The following ZNF33A variants were observed in gnomAD, a reference collection of about 807,000 sequenced individuals.
ZNF33A encodes brain my041 protein.
Under a neutral mutation model 15.9 loss-of-function variants are expected in ZNF33A, and 9 were observed. The observed-to-expected ratio is 0.57, with a 90% confidence interval of 0.34 to 0.99. ZNF33A has a LOEUF of 0.99. ZNF33A is among the 50% of genes least tolerant of loss of function. The pLI is 0.02. For synonymous variants in ZNF33A, 294 were observed against 324.2 expected (o/e 0.91, Z 1.00); for missense variants, 843 against 941.6 (o/e 0.90, Z 1.37).
intron 4 of ZNF33A, 31 bp downstream of exon 4, chr10:38,017,417 T>A: frequency 6.5e-7 from 1 of 1,534,678 alleles, no homozygotes; most frequent in African/African-American, 1.4e-5. Flanking sequence ...CAGATTCACA[T>A]CAGGGGATTT....
chr10:38,046,677 A>G (rs1228092859), intron 4 of ZNF33A, among the ~76,000 whole-genome samples: 1 of 152,246 alleles, frequency 6.6e-6, no homozygotes, highest in African/African-American at 2.4e-5. Flanking sequence ...AAAGAGACTA[A>G]CCAGGAAATT....
In ZNF33A at chr10:38,013,434, TA is replaced by T. The variant is rs1195751655; in HGVS notation, c.9+1085del. ...GGTAAATTAAAATGTATTTTATTATTATTATTTTTTTTGATACAGAGTCTTG... is the reference window on the plus strand; with the variant it reads ...GGTAAATTAAAATGTATTTTATTATTTTATTTTTTTTGATACAGAGTCTTG... On this transcript the variant is annotated intron_variant, in intron 2 of 4. Transcript: ENST00000432900. Among the ~76,000 whole-genome samples, 18 of 151,922 alleles carry T rather than the reference TA, an allele frequency of 1.2e-4. No individual in the cohort carries two copies. In the East Asian group the frequency reaches 1.4e-3, roughly 11 times the overall value.
At chr10:38,051,339 A>G (rs748749892) in intron 4 of ZNF33A, among the ~76,000 whole-genome samples, 1 of 152,262 alleles carries the variant, frequency 6.6e-6, no homozygotes, top group Admixed American at 6.5e-5. Flanking sequence ...TTGTGCAACA[A>G]TGTATCAGAA....
In ZNF33A at chr10:38,056,493, G is replaced by A. The variant is rs780073929; in HGVS notation, c.2369G>A (p.Ser790Asn). Reference sequence around the variant, plus strand: ...ATTAGAAATTTCCAGCCACAAGTCAGCCTCCATAATGCCTCAGAGTATTCA... The same window carrying A: ...ATTAGAAATTTCCAGCCACAAGTCAACCTCCATAATGCCTCAGAGTATTCA... The part of the protein sequence containing the change: ...MDIRNFQPQV[S>N]LHNASEYSHC... Residue 790 changes from serine (S) to asparagine (N), a missense_variant, in exon 5 of 5, where the codon AGC (serine) becomes AAC (asparagine). Transcript: ENST00000432900. 2.5e-6 allele frequency: 4 copies of A among 1,612,322 alleles called. No homozygotes were observed. Among genetic ancestry groups the A allele is most frequent in the Non-Finnish European group, 3.4e-6 (4 of 1,179,068 alleles).
rs1214260013 is a variant in ZNF33A at position 38,055,265 on chromosome 10, G to A, written c.1141G>A (p.Gly381Arg). The change falls in exon 5 of 5, where the codon GGG (glycine) becomes AGG (arginine). Residue 381 changes from glycine (G) to arginine (R), a missense_variant. Coordinates refer to ENST00000432900, the MANE Select transcript of ZNF33A (RefSeq NM_006954.2). ...NLTKHQRSHTGEKPFECNECG... is the reference protein window; with the variant it reads ...NLTKHQRSHTREKPFECNECG... Reference sequence around the variant, plus strand: ...CACTAAACATCAAAGATCACACACAGGGGAGAAACCTTTTGAATGCAATGA... The same window carrying A: ...CACTAAACATCAAAGATCACACACAAGGGAGAAACCTTTTGAATGCAATGA... 1 of 1,613,984 alleles carries A rather than the reference G, an allele frequency of 6.2e-7. No individual in the cohort carries two copies. The highest frequency in any genetic ancestry group is 8.5e-7 in the Non-Finnish European group (1 of 1,179,990).
intron 4 of ZNF33A, among the ~76,000 whole-genome samples, chr10:38,033,119 T>G (rs2065284848): frequency 6.6e-6 from 1 of 152,206 alleles, no homozygotes; most frequent in African/African-American, 2.4e-5. Context: ...ACTTTCTCTT[T>G]CCCATTTCCT....
At chr10:38,032,352 A>G (rs1158108731) in intron 4 of ZNF33A, among the ~76,000 whole-genome samples, 1 of 152,196 alleles carries the variant, frequency 6.6e-6, no homozygotes, top group Non-Finnish European at 1.5e-5. Flanking sequence ...ATTATATGAG[A>G]TATAATTCAC....
At position 38,058,237 on chromosome 10, in the gene ZNF33A, G is replaced by C. The variant is rs2066563562; in HGVS notation, c.*1677G>C. The C allele has an allele frequency of 5.2e-6, 1 of 190,666 alleles. No homozygotes were observed. 11.8% of individuals were successfully genotyped at this position (190,666 alleles called of 1,614,324 possible). A position where few individuals can be genotyped will look rare whatever the true frequency, so the allele number is the denominator to read the frequency against. The stretch of plus-strand genomic sequence containing the variant: ...GGTCAGTAAAATTGATAAACCTCTA[G>C]CTAGCTTAAGAACAAACAGAAGACA... On this transcript the variant is annotated 3_prime_UTR_variant, in exon 5 of 5. Transcript: ENST00000432900.
At chr10:38,014,175 G>A (rs1277727555) in intron 2 of ZNF33A, among the ~76,000 whole-genome samples, 2 of 149,736 alleles carry the variant, frequency 1.3e-5, no homozygotes, top group East Asian at 2.0e-4. Context: ...CCAAGTAGCT[G>A]AAATTACAGG....
downstream of ZNF33A, among the ~76,000 whole-genome samples, chr10:38,066,498 C>T (rs868693758): frequency 6.6e-5 from 10 of 151,834 alleles, no homozygotes; most frequent in South Asian, 2.1e-4. Context: ...GTGATCCACC[C>T]GCCTTGGCCT....
chr10:38,055,599 T>C lies in ZNF33A; in HGVS notation c.1475T>C (p.Ile492Thr). 3 of 1,614,044 alleles carry C rather than the reference T, an allele frequency of 1.9e-6. No homozygotes were observed. The highest frequency in any genetic ancestry group is 2.2e-5 in the South Asian group (2 of 91,080). ...CTTACACAGCATCAGAGAATTCACATAGGAGATAAATCTTATGAATGTAAT... is the reference window on the plus strand; with the variant it reads ...CTTACACAGCATCAGAGAATTCACACAGGAGATAAATCTTATGAATGTAAT... The part of the protein sequence containing the change: ...SNLTQHQRIH[I>T]GDKSYECNAC... Residue 492 changes from isoleucine (I) to threonine (T), a missense_variant, in exon 5 of 5, where the codon ATA (isoleucine) becomes ACA (threonine). Transcript: ENST00000432900.
At chr10:38,043,676 C>A (rs1398441664) in intron 4 of ZNF33A, among the ~76,000 whole-genome samples, 1 of 147,350 alleles carries the variant, frequency 6.8e-6, no homozygotes, top group African/African-American at 2.5e-5. Context: ...TATTTCATTG[C>A]AAAAAAAAAA....
chr10:38,066,267 GT>G (rs563321726), downstream of ZNF33A, among the ~76,000 whole-genome samples: 1 of 151,834 alleles, frequency 6.6e-6, no homozygotes, highest in Non-Finnish European at 1.5e-5. Context: ...AAACAGAAGG[GT>G]TTTTTTATTA....
At chr10:38,012,592 T>C (rs1295348105) in intron 2 of ZNF33A, among the ~76,000 whole-genome samples, 9 of 152,062 alleles carry the variant, frequency 5.9e-5, no homozygotes, top group African/African-American at 2.2e-4. Flanking sequence ...CTGCCACGCC[T>C]GGCTAATTTT....
chr10:38,046,339 G>C (rs1210994521), intron 4 of ZNF33A, among the ~76,000 whole-genome samples: 1 of 152,144 alleles, frequency 6.6e-6, no homozygotes, highest in South Asian at 2.1e-4. Context: ...CTCACATAGG[G>C]CCTGGAAAAG....
intron 4 of ZNF33A, among the ~76,000 whole-genome samples, chr10:38,046,482 T>C (rs2065952134): frequency 6.6e-6 from 1 of 152,042 alleles, no homozygotes; most frequent in Non-Finnish European, 1.5e-5. Context: ...GCCTAAGAAA[T>C]CATAAAAGCA....
At chr10:38,026,792 C>A (rs900464960) in intron 4 of ZNF33A, among the ~76,000 whole-genome samples, 1 of 152,192 alleles carries the variant, frequency 6.6e-6, no homozygotes, top group African/African-American at 2.4e-5. Context: ...GACCCAGCAT[C>A]ATTTTTTTGG....
Position 38,016,803 on chromosome 10 carries a change from GAATAATAATCATGGT to G in ZNF33A, c.10-65_10-51del. The stretch of plus-strand genomic sequence containing the variant: ...AGTATAAAACAAAACAATATTCTGT[GAATAATAATCATGGT>G]AAGGATTAGCCCATACTTCTTTTTT... On this transcript the variant is annotated intron_variant, in intron 2 of 4. Coordinates refer to ENST00000432900, the MANE Select transcript of ZNF33A (RefSeq NM_006954.2). 2.0e-6 allele frequency: 3 copies of G among 1,535,948 alleles called. No individual in the cohort carries two copies. The South Asian group carries it at 3.7e-5, about 19-fold the overall frequency.
intron 4 of ZNF33A, among the ~76,000 whole-genome samples, chr10:38,053,289 T>C (rs1320870293): frequency 6.6e-6 from 1 of 152,162 alleles, no homozygotes; most frequent in Admixed American, 6.5e-5. Flanking sequence ...TAGGTCTCAC[T>C]CCTTGGCTTG....
Sources: allele counts gnomAD v4.1 joint callset (sites outside exome capture counted in the v4.1 genomes callset), GRCh38; gene constraint gnomAD v4.1.1; transcripts MANE v1.5; gene names NCBI Gene and HGNC (gene_info 2026-07-23, HGNC 2026-07-21).